TRIP4: variants seen among roughly 807,000 people sequenced by gnomAD.
TRIP4 encodes the protein thyroid hormone receptor interactor 4.
TRIP4 carries 54 observed loss-of-function variants against 81.8 expected under a neutral mutation model. That is an observed-to-expected ratio of 0.66 (90% CI 0.53 to 0.83). The LOEUF is 0.83. Ranked by LOEUF, TRIP4 falls within the 40% of genes least tolerant of loss-of-function variation. The pLI, the probability that TRIP4 is intolerant of heterozygous loss-of-function variation, is 0.00. For synonymous variants in TRIP4, 270 were observed against 242.8 expected (o/e 1.11, Z -1.04); for missense variants, 662 against 683.6 (o/e 0.97, Z 0.35).
At chr15:64,413,679 G>A (rs185530159) in intron 7 of TRIP4, among the ~76,000 whole-genome samples, 5 of 151,882 alleles carry the variant, frequency 3.3e-5, no homozygotes, top group Admixed American at 1.3e-4. Flanking sequence ...AACCTCCTCC[G>A]CAGTTTCAAG....
At chr15:64,450,393 G>GAAAAAA (rs1005400086) in intron 12 of TRIP4, among the ~76,000 whole-genome samples, 14 of 46,874 alleles carry the variant, frequency 3.0e-4, no homozygotes, top group African/African-American at 6.5e-4. Flanking sequence ...CGTCTCAAAA[G>GAAAAAA]AAAAAAAAAA....
At chr15:64,427,951 C>T (rs1349757678) in intron 11 of TRIP4, among the ~76,000 whole-genome samples, 1 of 151,602 alleles carries the variant, frequency 6.6e-6, no homozygotes, top group East Asian at 1.9e-4. Flanking sequence ...TTCTTCCTCC[C>T]CCCTCTTTTT....
chr15:64,441,904 A>G (rs1230953516), intron 11 of TRIP4, among the ~76,000 whole-genome samples: 2 of 152,244 alleles, frequency 1.3e-5, no homozygotes, highest in Admixed American at 6.5e-5. Flanking sequence ...ACACTTCAAC[A>G]AAGTTCTGAA....
At chr15:64,433,948 T>C (rs1220265210) in intron 11 of TRIP4, among the ~76,000 whole-genome samples, 1 of 151,848 alleles carries the variant, frequency 6.6e-6, no homozygotes, top group African/African-American at 2.4e-5. Context: ...CAGTTATCGT[T>C]AGTGTATTTT....
chr15:64,427,712 A>G (rs938244082), intron 11 of TRIP4, among the ~76,000 whole-genome samples: 20 of 152,028 alleles, frequency 1.3e-4, no homozygotes, highest in African/African-American at 4.3e-4. Context: ...TTATCCCTCT[A>G]GATTTATGTC....
At position 64,388,070 on chromosome 15, in the gene TRIP4, A is replaced by T. The variant is rs148506899; in HGVS notation, c.101+106A>T. On this transcript the variant is annotated intron_variant, in intron 1 of 12. Transcript: ENST00000261884. ...AAAAGTTAAGAGAGAAATGTGATAA[A>T]GGGGCTGCAGTCTGTAGTCTGTAGG... The T allele has an allele frequency of 2.3e-3, 3,221 of 1,420,258 alleles. 15 individuals carry two copies. Among genetic ancestry groups the T allele is most frequent in the Middle Eastern group, 0.021 (101 of 4,880 alleles). 88.0% of individuals were successfully genotyped at this position (1,420,258 alleles called of 1,614,324 possible).
rs1238228903 is a variant in TRIP4 at position 64,406,441 on chromosome 15, T to TA, written c.810dup (p.Glu271ArgfsTer3). ...GCTATCAAGCATAAAGACAAACTGT[T>TA]AGAGTTTGACAGAACTAGGTATGAA... On this transcript the variant is annotated frameshift_variant, in exon 6 of 13. Transcript: ENST00000261884. LOFTEE classifies it high-confidence loss of function. 4.3e-6 allele frequency: 7 copies of TA among 1,613,814 alleles called. No individual in the cohort carries two copies. The highest frequency in any genetic ancestry group is 2.2e-5 in the East Asian group (1 of 44,882).
chr15:64,388,118 T>C (rs1479492464), intron 1 of TRIP4, 154 bp downstream of exon 1: 1 of 1,297,772 alleles, frequency 7.7e-7, no homozygotes, highest in Admixed American at 3.5e-5. Context: ...GCCTCCACCT[T>C]TGTAGTTTAG....
chr15:64,412,062 TA>T (rs1028774860), intron 7 of TRIP4, among the ~76,000 whole-genome samples: 3 of 152,266 alleles, frequency 2.0e-5, no homozygotes, highest in Non-Finnish European at 4.4e-5. Context: ...AAAGATTTTT[TA>T]AAAAAATTGC....
intron 11 of TRIP4, among the ~76,000 whole-genome samples, chr15:64,428,554 G>A (rs112465250): frequency 0.014 from 2,154 of 152,186 alleles, 16 homozygotes; most frequent in Non-Finnish European, 0.02. Context: ...TCAGACATGG[G>A]AATCCCATAC....
At position 64,395,495 on chromosome 15, in the gene TRIP4, G is replaced by C. The variant is rs146589758; in HGVS notation, c.369G>C (p.Thr123=). 3 of 1,613,658 alleles carry C rather than the reference G, an allele frequency of 1.9e-6. No homozygotes were observed. The highest frequency in any genetic ancestry group is 1.7e-6 in the Non-Finnish European group (2 of 1,179,840). ...TTCCTGCATTTACTGAACCTGACAC[G>C]ACTGCAGAGGTTAAAACACCTTTTG... ...QEVPAFTEPD[T]TAEVKTPFDL... The change falls in exon 3 of 13, where the codon ACG becomes ACC. Residue 123 remains threonine, a synonymous_variant. Coordinates refer to ENST00000261884, the MANE Select transcript of TRIP4 (RefSeq NM_016213.5).
rs777710213 is a variant in TRIP4 at position 64,394,533 on chromosome 15, A to T, written c.271+418A>T. Among the ~76,000 whole-genome samples the T allele has an allele frequency of 2.1e-5, 3 of 146,196 alleles. No homozygotes were observed. In the South Asian group the frequency reaches 6.8e-4, roughly 33 times the overall value. Reference sequence around the variant, plus strand: ...GGCAGGAGAATGGCGTGAACCTGGGAGGTGGAGCTTGCAGTGAGCTGAGAT... The same window carrying T: ...GGCAGGAGAATGGCGTGAACCTGGGTGGTGGAGCTTGCAGTGAGCTGAGAT... On this transcript the variant is annotated intron_variant, in intron 2 of 12. Coordinates refer to ENST00000261884, the MANE Select transcript of TRIP4 (RefSeq NM_016213.5).
chr15:64,430,882 G>C (rs1004581680), intron 11 of TRIP4, among the ~76,000 whole-genome samples: 2 of 152,116 alleles, frequency 1.3e-5, no homozygotes, highest in African/African-American at 4.8e-5. Flanking sequence ...TAGACTTGTA[G>C]TCTTCCAATA....
chr15:64,429,626 C>T (rs2140303776), intron 11 of TRIP4, among the ~76,000 whole-genome samples: 1 of 152,198 alleles, frequency 6.6e-6, no homozygotes, highest in African/African-American at 2.4e-5. Context: ...AATCCCCCAC[C>T]CAAACATGCA....
At chr15:64,395,675 T>C in intron 3 of TRIP4, 144 bp downstream of exon 3, 1 of 875,110 alleles carries the variant, frequency 1.1e-6, no homozygotes, top group Non-Finnish European at 1.7e-6. Context: ...AAGTTACATA[T>C]ACTCCTTTCT....
chr15:64,420,181 G>C (rs1891980158), intron 9 of TRIP4, among the ~76,000 whole-genome samples: 2 of 150,048 alleles, frequency 1.3e-5, no homozygotes, highest in African/African-American at 4.9e-5. Flanking sequence ...GAGTGCAATG[G>C]TGCGTTATCA....
intron 4 of TRIP4, among the ~76,000 whole-genome samples, chr15:64,398,247 C>T (rs1019118297): frequency 7.3e-5 from 11 of 151,516 alleles, no homozygotes; most frequent in South Asian, 2.1e-4. Flanking sequence ...CCAGTGAACT[C>T]GAGTGTCAGG....
In TRIP4 at chr15:64,435,848, A is replaced by G. The variant is rs560398947; in HGVS notation, c.1576-9158A>G. ...AAAAAAAAAAAAAAAAAAAAAGACA[A>G]GTCCTGCAGAAGCAATGCTTCCTGG... On this transcript the variant is annotated intron_variant, in intron 11 of 12. Transcript: ENST00000261884. Among the ~76,000 whole-genome samples the G allele has an allele frequency of 1.8e-3, 270 of 147,670 alleles. 1 individual carries two copies. Among genetic ancestry groups the G allele is most frequent in the African/African-American group, 6.5e-3 (262 of 40,098 alleles).
At chr15:64,431,927 A>C (rs1297923479) in intron 11 of TRIP4, among the ~76,000 whole-genome samples, 2 of 114,502 alleles carry the variant, frequency 1.7e-5, no homozygotes, top group African/African-American at 6.7e-5. Context: ...TCTGTCGTCC[A>C]GGGTGGTGGA....
Sources: gnomAD v4.1 joint callset for allele counts (sites outside exome capture counted in the v4.1 genomes callset) on GRCh38, gnomAD v4.1.1 for gene constraint, MANE v1.5 for transcripts, NCBI Gene and HGNC (gene_info 2026-07-23, HGNC 2026-07-21) for gene names.